GALNT1: variants seen among roughly 807,000 people sequenced by gnomAD.
The protein encoded by GALNT1 is polypeptide N-acetylgalactosaminyltransferase 1, also known as GalNAc transferase 1.
GALNT1 carries 17 observed loss-of-function variants against 65.7 expected under a neutral mutation model. The observed-to-expected ratio is 0.26, with a 90% CI of 0.18 to 0.39. The LOEUF is 0.39. Among genes scored for constraint, GALNT1 ranks in the 10% least tolerant of loss-of-function variants. The pLI is 1.00. For missense variants in GALNT1, 460 were observed against 672.8 expected (o/e 0.68, Z 3.50); for synonymous variants, 210 against 219.7 (o/e 0.96, Z 0.39).
rs540332884 is a variant in GALNT1 at position 35,590,439 on chromosome 18, A to G, written c.-104+8577A>G. Among the ~76,000 whole-genome samples, 3 of 152,300 alleles carry G rather than the reference A, an allele frequency of 2.0e-5. No individual in the cohort carries two copies. In the East Asian group the frequency reaches 5.8e-4, roughly 29 times the overall value. Reference sequence around the variant, plus strand: ...AATCTTTTGATTGACAGCCTTGAGTATAGGACAAACTTCTATGGGAACCAG... The same window carrying G: ...AATCTTTTGATTGACAGCCTTGAGTGTAGGACAAACTTCTATGGGAACCAG... On this transcript the variant is annotated intron_variant, in intron 1 of 11. Coordinates refer to ENST00000269195, the MANE Select transcript of GALNT1 (RefSeq NM_020474.4).
chr18:35,665,467 A>G (rs996065748), intron 3 of GALNT1, among the ~76,000 whole-genome samples: 8 of 152,220 alleles, frequency 5.3e-5, no homozygotes, highest in African/African-American at 1.4e-4. Context: ...AAAATTTTCC[A>G]TAACTGAACT....
At chr18:35,675,473 A>G (rs779199039) in intron 3 of GALNT1, among the ~76,000 whole-genome samples, 4 of 152,016 alleles carry the variant, frequency 2.6e-5, no homozygotes, top group South Asian at 4.1e-4. Context: ...GTTTCTTTCT[A>G]TTGTTCTTAT....
chr18:35,630,880 T>C (rs1254320673), intron 1 of GALNT1, among the ~76,000 whole-genome samples: 2 of 152,186 alleles, frequency 1.3e-5, no homozygotes, highest in Non-Finnish European at 2.9e-5. Context: ...ATATCACCAC[T>C]GATCCCACAG....
At chr18:35,647,402 C>G (rs1378893762) in intron 1 of GALNT1, among the ~76,000 whole-genome samples, 1 of 152,050 alleles carries the variant, frequency 6.6e-6, no homozygotes, top group African/African-American at 2.4e-5. Context: ...GACACATTCC[C>G]TACATTTACT....
At chr18:35,603,476 C>G (rs2046607132) in intron 1 of GALNT1, among the ~76,000 whole-genome samples, 1 of 152,044 alleles carries the variant, frequency 6.6e-6, no homozygotes, top group Non-Finnish European at 1.5e-5. Flanking sequence ...GAGGGTAAAG[C>G]CAGATTGCTG....
upstream of GALNT1, among the ~76,000 whole-genome samples, chr18:35,580,964 C>A (rs928488062): frequency 6.6e-6 from 1 of 152,186 alleles, no homozygotes; most frequent in African/African-American, 2.4e-5. Flanking sequence ...GCCCCCGAGA[C>A]CCGGGTGCCT....
chr18:35,588,409 T>C (rs1419372767), intron 1 of GALNT1, among the ~76,000 whole-genome samples: 1 of 152,222 alleles, frequency 6.6e-6, no homozygotes, highest in Non-Finnish European at 1.5e-5. Context: ...TACATTTCGG[T>C]GTGGATTCCT....
chr18:35,657,127 G>A (rs1456237346), intron 2 of GALNT1, among the ~76,000 whole-genome samples: 9 of 151,694 alleles, frequency 5.9e-5, no homozygotes, highest in East Asian at 1.9e-4. Flanking sequence ...ATGGAATGTC[G>A]CTCTGTCACC....
intron 1 of GALNT1, among the ~76,000 whole-genome samples, chr18:35,607,679 A>G (rs1016008969): frequency 1.3e-5 from 2 of 152,068 alleles, no homozygotes; most frequent in Non-Finnish European, 2.9e-5. Context: ...CTTCATCCTC[A>G]TGGTCTCAAA....
intron 1 of GALNT1, among the ~76,000 whole-genome samples, chr18:35,633,205 A>G (rs1174508894): frequency 1.8e-4 from 27 of 152,300 alleles, no homozygotes; most frequent in Admixed American, 1.8e-3. Context: ...TATATACCCA[A>G]AGGATTATCA....
At chr18:35,704,754 C>T (rs61167966) in intron 11 of GALNT1, among the ~76,000 whole-genome samples, 12,416 of 152,106 alleles carry the variant, frequency 0.082, 564 homozygotes, top group African/African-American at 0.12. Context: ...AGCTATTCTC[C>T]TGCCTCAGCC....
chr18:35,645,282 G>C (rs1333552545), intron 1 of GALNT1, among the ~76,000 whole-genome samples: 1 of 131,422 alleles, frequency 7.6e-6, no homozygotes, highest in Non-Finnish European at 1.6e-5. Context: ...CCAGGCTGGA[G>C]TGCAGTGGCG....
At chr18:35,633,391 G>A (rs2047044574) in intron 1 of GALNT1, among the ~76,000 whole-genome samples, 1 of 152,122 alleles carries the variant, frequency 6.6e-6, no homozygotes, top group Admixed American at 6.5e-5. Flanking sequence ...CATGTCCTTT[G>A]TAGGGACATG....
chr18:35,589,379 A>G (rs1450745075), intron 1 of GALNT1, among the ~76,000 whole-genome samples: 1 of 152,106 alleles, frequency 6.6e-6, no homozygotes, highest in Non-Finnish European at 1.5e-5. Flanking sequence ...CTTTGTTGGC[A>G]TGGGTCGGGG....
At chr18:35,582,729 TG>T (rs1256127237) in intron 1 of GALNT1, among the ~76,000 whole-genome samples, 2 of 152,244 alleles carry the variant, frequency 1.3e-5, no homozygotes, top group African/African-American at 4.8e-5. Flanking sequence ...TAGGAGGTCT[TG>T]TCATTTCACA....
intron 2 of GALNT1, among the ~76,000 whole-genome samples, chr18:35,657,563 G>A (rs899980752): frequency 3.9e-5 from 6 of 152,146 alleles, no homozygotes; most frequent in Admixed American, 3.9e-4. Context: ...CCTCCTGGAG[G>A]GTCACTGAAG....
intron 1 of GALNT1, among the ~76,000 whole-genome samples, chr18:35,607,379 G>T (rs1319990503): frequency 6.6e-6 from 1 of 152,106 alleles, no homozygotes; most frequent in African/African-American, 2.4e-5. Context: ...CAGAGCCATT[G>T]TGTTTCTGCT....
At chr18:35,642,600 C>T (rs565801763) in intron 1 of GALNT1, among the ~76,000 whole-genome samples, 4 of 152,184 alleles carry the variant, frequency 2.6e-5, no homozygotes, top group South Asian at 2.1e-4. Flanking sequence ...ATGTTTTATA[C>T]GTACTCTTTT....
intron 9 of GALNT1, among the ~76,000 whole-genome samples, chr18:35,694,379 A>G (rs1420952985): frequency 6.6e-6 from 1 of 152,214 alleles, no homozygotes; most frequent in Non-Finnish European, 1.5e-5. Context: ...GAAAGAGCCA[A>G]CTTAACACCC....
Sources: allele counts gnomAD v4.1 joint callset (sites outside exome capture counted in the v4.1 genomes callset), GRCh38; gene constraint gnomAD v4.1.1; transcripts MANE v1.5; gene names NCBI Gene and HGNC (gene_info 2026-07-23, HGNC 2026-07-21).